The following KCNMA1 variants were observed in gnomAD, a reference collection of about 807,000 sequenced individuals.
KCNMA1 encodes Calcium-activated potassium channel subunit alpha-1.
A neutral mutation model predicts 140.0 loss-of-function variants in KCNMA1; 29 were observed. The observed-to-expected ratio is 0.21, with a 90% CI of 0.15 to 0.28. The LOEUF is 0.28. Among genes scored for constraint, KCNMA1 ranks in the 10% least tolerant of loss-of-function variants. KCNMA1 has a pLI of 1.00. For missense variants in KCNMA1, 880 were observed against 1,602.2 expected, an observed-to-expected ratio of 0.55 and a Z score of 7.70; for synonymous variants, 612 against 611.9, an observed-to-expected ratio of 1.00 and a Z score of 0.00.
At position 77,361,106 on chromosome 10, in the gene KCNMA1, T is replaced by C. The variant is rs1327404751; in HGVS notation, c.540+42756A>G. Among the ~76,000 whole-genome samples, 4 of 152,216 alleles carry C rather than the reference T, an allele frequency of 2.6e-5. No individual in the cohort carries two copies. The East Asian group carries it at 7.7e-4, about 29-fold the overall frequency. ...TACTTAATCTCTCTAAGCACAGATG[T>C]TCTCATCTATGAAAGGACTATAATG... On this transcript the variant is annotated intron_variant, in intron 2 of 27. Transcript: ENST00000286628.
At chr10:76,878,055 C>G (rs2032823641) in intron 29 of KCNMA1, among the ~76,000 whole-genome samples, 1 of 151,974 alleles carries the variant, frequency 6.6e-6, no homozygotes, top group African/African-American at 2.4e-5. Flanking sequence ...GGGAGGACCC[C>G]AGAACCTGAA....
chr10:77,490,156 G>T (rs889358963), intron 1 of KCNMA1, among the ~76,000 whole-genome samples: 1 of 152,182 alleles, frequency 6.6e-6, no homozygotes, highest in Non-Finnish European at 1.5e-5. Flanking sequence ...GGGGTTAAAT[G>T]ACCCTATATC....
At chr10:77,167,152 A>G (rs2098651965) in intron 5 of KCNMA1, among the ~76,000 whole-genome samples, 1 of 151,964 alleles carries the variant, frequency 6.6e-6, no homozygotes, top group African/African-American at 2.4e-5. Context: ...TGCCTCAGAT[A>G]ACTACCAATC....
chr10:77,634,780 A>C (rs1025815488), intron 1 of KCNMA1: 6 of 153,936 alleles, frequency 3.9e-5, no homozygotes, highest in African/African-American at 7.6e-5. Context: ...AAAAAAGACA[A>C]ACACACACAC....
chr10:77,123,179 CAAAAAAAAAAAAAAAAAAAAAAA>C (rs61374890), intron 5 of KCNMA1, among the ~76,000 whole-genome samples: 4 of 59,646 alleles, frequency 6.7e-5, no homozygotes, highest in Admixed American at 2.2e-4. Flanking sequence ...GACTCCGTCT[CAAAAAAAAAAAAAAAAAAAAAAA>C]AAAAAAAAAA....
At chr10:77,235,717 A>G (rs1242581710) in intron 3 of KCNMA1, among the ~76,000 whole-genome samples, 1 of 152,212 alleles carries the variant, frequency 6.6e-6, no homozygotes, top group Non-Finnish European at 1.5e-5. Flanking sequence ...CACTTCATGG[A>G]GTAGCATTTT....
intron 19 of KCNMA1, among the ~76,000 whole-genome samples, chr10:76,978,028 T>C (rs1307231081): frequency 1.3e-5 from 2 of 152,190 alleles, no homozygotes; most frequent in Non-Finnish European, 2.9e-5. Context: ...GAGCGATATA[T>C]AGATGATTAT....
chr10:77,287,599 G>T (rs2071490664), intron 2 of KCNMA1, among the ~76,000 whole-genome samples: 1 of 152,168 alleles, frequency 6.6e-6, no homozygotes, highest in Admixed American at 6.5e-5. Flanking sequence ...GAGCATCTAT[G>T]AAAAAGTATT....
Position 77,007,653 on chromosome 10 carries a change from G to GTGTGTGTATGTATA in KCNMA1, c.2092+4313_2092+4314insTATACATACACACA. ...ACATCATGGTACATATTGTGTGTGT[G>GTGTGTGTATGTATA]TATATATATATATATATATATATGT... is the stretch of plus-strand genomic sequence containing the variant. On this transcript the variant is annotated intron_variant, in intron 18 of 27. Transcript: ENST00000286628. Among the ~76,000 whole-genome samples the GTGTGTGTATGTATA allele has an allele frequency of 4.5e-5, 4 of 88,482 alleles. No individual in the cohort carries two copies. The South Asian group carries it at 1.2e-3, about 26-fold the overall frequency. The allele number at this position is 88,482 out of a possible 152,430, so 58.0% of individuals were successfully genotyped here.
At chr10:77,088,840 G>T (rs1299808904) in intron 10 of KCNMA1, among the ~76,000 whole-genome samples, 1 of 152,180 alleles carries the variant, frequency 6.6e-6, no homozygotes, top group East Asian at 1.9e-4. Flanking sequence ...AGCCTGCCCG[G>T]GTAATACCAT....
intron 20 of KCNMA1, among the ~76,000 whole-genome samples, chr10:76,957,943 T>C (rs1278518597): frequency 2.0e-5 from 3 of 152,214 alleles, no homozygotes; most frequent in South Asian, 2.1e-4. Flanking sequence ...GCTGTTGCTG[T>C]AGTAATTTCA....
intron 2 of KCNMA1, among the ~76,000 whole-genome samples, chr10:77,380,449 AT>A (rs542997933): frequency 1.3e-5 from 2 of 152,094 alleles, no homozygotes; most frequent in Non-Finnish European, 2.9e-5. Flanking sequence ...CCTTCATTTT[AT>A]TCACAAAGGA....
At chr10:77,239,972 C>A (rs1312456835) in intron 3 of KCNMA1, among the ~76,000 whole-genome samples, 1 of 152,202 alleles carries the variant, frequency 6.6e-6, no homozygotes, top group Non-Finnish European at 1.5e-5. Flanking sequence ...ACAATGTGCC[C>A]ATTTAGCTAA....
At chr10:76,941,412 G>T (rs1591429938) in intron 23 of KCNMA1, among the ~76,000 whole-genome samples, 2 of 152,188 alleles carry the variant, frequency 1.3e-5, no homozygotes, top group East Asian at 3.9e-4. Flanking sequence ...TCACAGGCTG[G>T]GAGGAGCCCA....
At chr10:76,971,713 C>T (rs1282958110) in intron 19 of KCNMA1, among the ~76,000 whole-genome samples, 1 of 152,180 alleles carries the variant, frequency 6.6e-6, no homozygotes, top group East Asian at 1.9e-4. Context: ...CAGGCAGAGA[C>T]TATGTGGCTG....
At chr10:77,036,608 C>G (rs1475688197) in intron 15 of KCNMA1, among the ~76,000 whole-genome samples, 1 of 152,146 alleles carries the variant, frequency 6.6e-6, no homozygotes, top group Non-Finnish European at 1.5e-5. Context: ...AGAATATTCC[C>G]CAATTCTTTT....
At chr10:77,067,526 C>T (rs556134466) in intron 14 of KCNMA1, among the ~76,000 whole-genome samples, 2 of 152,290 alleles carry the variant, frequency 1.3e-5, no homozygotes, top group East Asian at 1.9e-4. Context: ...ACAGAGACAC[C>T]ATTGCTCTGT....
At chr10:77,334,909 A>G (rs946372154) in intron 2 of KCNMA1, among the ~76,000 whole-genome samples, 1 of 152,136 alleles carries the variant, frequency 6.6e-6, no homozygotes, top group Non-Finnish European at 1.5e-5. Flanking sequence ...TATTAATGAG[A>G]TTATTTTTCT....
At chr10:77,470,483 C>T (rs1189063066) in intron 1 of KCNMA1, among the ~76,000 whole-genome samples, 3 of 152,086 alleles carry the variant, frequency 2.0e-5, no homozygotes, top group East Asian at 1.9e-4. Flanking sequence ...CCAGTGCTGC[C>T]GGAAGATCCT....
Sources: gnomAD v4.1 joint callset for allele counts (sites outside exome capture counted in the v4.1 genomes callset) on GRCh38, gnomAD v4.1.1 for gene constraint, MANE v1.5 for transcripts, NCBI Gene and HGNC (gene_info 2026-07-23, HGNC 2026-07-21) for gene names.